The following ATP6V0A4 variants were observed in gnomAD, a reference collection of about 807,000 sequenced individuals.
The protein encoded by ATP6V0A4 is ATPase H+ transporting V0 subunit a4, also known as V-type proton ATPase 116 kDa subunit a 4.
ATP6V0A4 carries 86 observed loss-of-function variants against 107.3 expected under a neutral mutation model. That is an observed-to-expected ratio of 0.80 (90% CI 0.67 to 0.96). The LOEUF (loss-of-function observed/expected upper bound fraction) is 0.96, where lower values mean the gene tolerates loss of function less well. ATP6V0A4 is among the 40% of genes least tolerant of loss of function. The pLI, the probability that ATP6V0A4 is intolerant of heterozygous loss-of-function variation, is 0.00. For missense variants in ATP6V0A4, 908 were observed against 1,045.6 expected, an observed-to-expected ratio of 0.87 and a Z score of 1.81; for synonymous variants, 353 against 381.4, an observed-to-expected ratio of 0.93 and a Z score of 0.87.
At chr7:138,758,534 G>A (rs1008876223) in intron 8 of ATP6V0A4, among the ~76,000 whole-genome samples, 3 of 152,016 alleles carry the variant, frequency 2.0e-5, no homozygotes, top group African/African-American at 4.8e-5. Flanking sequence ...GGAATTAAAG[G>A]GTAAGTGGAT....
chr7:138,750,618 G>A (rs1258855947), intron 11 of ATP6V0A4, among the ~76,000 whole-genome samples: 2 of 152,204 alleles, frequency 1.3e-5, no homozygotes, highest in Non-Finnish European at 2.9e-5. Flanking sequence ...ACACCAGCTG[G>A]ACGAGTGCTC....
At chr7:138,769,909 C>A (rs575835523) in intron 3 of ATP6V0A4, among the ~76,000 whole-genome samples, 33 of 152,168 alleles carry the variant, frequency 2.2e-4, no homozygotes, top group African/African-American at 7.9e-4. Flanking sequence ...GAGACCTCAT[C>A]TCTACAAAAA....
chr7:138,785,213 T>C (rs1261485765), intron 2 of ATP6V0A4, among the ~76,000 whole-genome samples: 1 of 152,136 alleles, frequency 6.6e-6, no homozygotes, highest in Non-Finnish European at 1.5e-5. Context: ...TCCCTCCAGA[T>C]AGCCTTCATT....
chr7:138,727,709 A>G lies in ATP6V0A4; in HGVS notation c.2010+1052T>C, dbSNP rs566321251. ...TCTGAACATATCTACAACCATTTAA[A>G]ACATACACGGTCTCAGCACATTCCG... is the stretch of plus-strand genomic sequence containing the variant. On this transcript the variant is annotated intron_variant, in intron 18 of 21. Transcript: ENST00000310018. 5.8e-4 allele frequency among the ~76,000 whole-genome samples: 88 copies of G among 152,340 alleles called. 5 individuals are homozygous for G. In the South Asian group the frequency reaches 0.018, roughly 30 times the overall value.
intron 20 of ATP6V0A4, among the ~76,000 whole-genome samples, chr7:138,713,313 G>A (rs995779827): frequency 2.0e-5 from 3 of 151,166 alleles, no homozygotes; most frequent in Admixed American, 6.6e-5. Flanking sequence ...ATGCTTATGG[G>A]TGTCTGTGCT....
At chr7:138,723,595 G>A (rs534779228) in intron 18 of ATP6V0A4, among the ~76,000 whole-genome samples, 18 of 144,154 alleles carry the variant, frequency 1.2e-4, no homozygotes, top group African/African-American at 3.1e-4. Context: ...GTACAATCTC[G>A]GTTCACTGCA....
intron 2 of ATP6V0A4, among the ~76,000 whole-genome samples, chr7:138,774,743 A>C (rs957320386): frequency 7.0e-6 from 1 of 143,046 alleles, no homozygotes; most frequent in African/African-American, 2.6e-5. Context: ...TAAATGAAAA[A>C]ATTAAAATAG....
intron 19 of ATP6V0A4, among the ~76,000 whole-genome samples, chr7:138,717,907 CG>C (rs201153193): frequency 2.0e-4 from 4 of 19,622 alleles, no homozygotes; most frequent in Admixed American, 8.1e-4. Flanking sequence ...GACTCTGTCT[CG>C]GAAAAAAAAA....
rs779760665 is a variant in ATP6V0A4 at position 138,728,628 on chromosome 7, G to C, written c.2010+133C>G. 177 of 1,216,218 alleles carry C rather than the reference G, an allele frequency of 1.5e-4. 1 individual carries two copies. Among genetic ancestry groups the C allele is most frequent in the Non-Finnish European group, 2.0e-4 (165 of 827,644 alleles). The allele number at this position is 1,216,218 out of a possible 1,614,324, so 75.3% of individuals were successfully genotyped here. A position where few individuals can be genotyped will look rare whatever the true frequency, so the allele number is the denominator to read the frequency against. ...GCTCCACAGAACGAAACATACTCAG[G>C]GCGGGTCAGTTCCTCAACACCATTC... On this transcript the variant is annotated intron_variant, in intron 18 of 21. Coordinates refer to ENST00000310018, the MANE Select transcript of ATP6V0A4 (RefSeq NM_020632.3).
At chr7:138,784,238 A>ATATACG (rs1554402590) in intron 2 of ATP6V0A4, among the ~76,000 whole-genome samples, 742 of 48,956 alleles carry the variant, frequency 0.015, 26 homozygotes, top group East Asian at 0.045. Flanking sequence ...ATATATACGT[A>ATATACG]TATATATATA....
At chr7:138,706,894 T>C (rs1803399991) in intron 21 of ATP6V0A4, 177 bp from the exon 22 acceptor site, 1 of 530,666 alleles carries the variant, frequency 1.9e-6, no homozygotes, top group African/African-American at 2.3e-5. Context: ...TGAGGATTTT[T>C]TTTTTTTTTT....
At chr7:138,772,202 T>G (rs1807428172) in intron 2 of ATP6V0A4, among the ~76,000 whole-genome samples, 1 of 152,244 alleles carries the variant, frequency 6.6e-6, no homozygotes, top group Non-Finnish European at 1.5e-5. Context: ...TATCAAATCT[T>G]ATATCCCTCA....
chr7:138,794,973 C>G (rs1808589197), intron 1 of ATP6V0A4, among the ~76,000 whole-genome samples: 1 of 151,458 alleles, frequency 6.6e-6, no homozygotes, highest in South Asian at 2.1e-4. Context: ...TCACGGTTCA[C>G]TATAACCTCC....
intron 19 of ATP6V0A4, among the ~76,000 whole-genome samples, chr7:138,716,865 T>C (rs574612445): frequency 2.0e-5 from 3 of 152,176 alleles, no homozygotes; most frequent in Non-Finnish European, 4.4e-5. Flanking sequence ...TGCCTGGCCA[T>C]GGGGGACAAT....
At position 138,746,765 on chromosome 7, in the gene ATP6V0A4, A is replaced by G. The variant is rs145982822; in HGVS notation, c.1320+660T>C. ...ATGACCCACCCACCATGGCCTCCCA[A>G]AGTGGTGGGGTTACAGGTGTGAGCC... On this transcript the variant is annotated intron_variant, in intron 13 of 21. Coordinates refer to ENST00000310018, the MANE Select transcript of ATP6V0A4 (RefSeq NM_020632.3). Among the ~76,000 whole-genome samples, 710 of 152,236 alleles carry G rather than the reference A, an allele frequency of 4.7e-3. 6 individuals are homozygous for G. Among genetic ancestry groups the G allele is most frequent in the African/African-American group, 0.016 (682 of 41,538 alleles).
intron 10 of ATP6V0A4, among the ~76,000 whole-genome samples, chr7:138,753,630 T>C (rs1473089792): frequency 6.6e-6 from 1 of 152,220 alleles, no homozygotes; most frequent in Non-Finnish European, 1.5e-5. Flanking sequence ...TATGTTTTGA[T>C]GATACAACAA....
chr7:138,733,399 T>C (rs1805131762), intron 16 of ATP6V0A4, among the ~76,000 whole-genome samples: 1 of 151,952 alleles, frequency 6.6e-6, no homozygotes, highest in Non-Finnish European at 1.5e-5. Context: ...GACTACAGCT[T>C]CGCATGCAGA....
Position 138,739,561 on chromosome 7 carries a change from T to C in ATP6V0A4, c.1551A>G (p.Pro517=), listed in dbSNP as rs1323191521. The change falls in exon 15 of 22, where the codon CCA becomes CCG. Residue 517 remains proline, a synonymous_variant. Coordinates refer to ENST00000310018, the MANE Select transcript of ATP6V0A4 (RefSeq NM_020632.3). ...PAIPGVYFGN[P]YPFGIDPIWN... ...TTACCGGATCAATCCCAAACGGGTA[T>C]GGATTTCCAAAATACACTCCTGGTA... is the stretch of plus-strand genomic sequence containing the variant. The C allele has an allele frequency of 1.9e-6, 3 of 1,614,224 alleles. No homozygotes were observed. Among genetic ancestry groups the C allele is most frequent in the East Asian group, 2.2e-5 (1 of 44,882 alleles).
Position 138,773,446 on chromosome 7 carries a change from C to T in ATP6V0A4, c.-17-2182G>A, listed in dbSNP as rs1460141511. Among the ~76,000 whole-genome samples the T allele has an allele frequency of 6.6e-6, 1 of 152,120 alleles. No homozygotes were observed. The highest frequency in any genetic ancestry group is 1.5e-5 in the Non-Finnish European group (1 of 68,016). On this transcript the variant is annotated intron_variant, in intron 2 of 21. Coordinates refer to ENST00000310018, the MANE Select transcript of ATP6V0A4 (RefSeq NM_020632.3). This position sits in a 1 kb window ranked among gnomAD's most constrained non-coding sequence, Gnocchi z 5.4. ...CTCCAGCTCCCTCAAGGAGCTAAGC[C>T]CCCTCCTACATGCCCCCAGAAGAGC...
Sources: allele counts gnomAD v4.1 joint callset (sites outside exome capture counted in the v4.1 genomes callset), GRCh38; gene constraint gnomAD v4.1.1; non-coding constraint Gnocchi (gnomAD v3.1); transcripts MANE v1.5; gene names NCBI Gene and HGNC (gene_info 2026-07-23, HGNC 2026-07-21).